ZFC3H1: variants seen among roughly 807,000 people sequenced by gnomAD.
ZFC3H1 encodes zinc finger C3H1-type containing.
In ZFC3H1, 71 loss-of-function variants were observed where a neutral mutation model predicts 243.7. That is an observed-to-expected ratio of 0.29 (90% confidence interval 0.24 to 0.36). The LOEUF (loss-of-function observed/expected upper bound fraction) is 0.36, where lower values mean the gene tolerates loss of function less well. Among genes scored for constraint, ZFC3H1 ranks in the 10% least tolerant of loss-of-function variants. The probability of loss-of-function intolerance (pLI) is 1.00; values close to 1 mark genes in which losing one functional copy is unlikely to be tolerated. For missense variants in ZFC3H1, 1,966 were observed against 2,317.1 expected (o/e 0.85, Z 3.11); for synonymous variants, 838 against 813.0 (o/e 1.03, Z -0.52).
Position 71,627,822 on chromosome 12 carries a change from A to G in ZFC3H1, c.4059T>C (p.Ser1353=), listed in dbSNP as rs1880208222. Reference sequence around the variant, plus strand: ...GTACATGAGAAGGATTTTCAAGCACACTTGCTTCTAAATTAGCGATGTCAT... The same window carrying G: ...GTACATGAGAAGGATTTTCAAGCACGCTTGCTTCTAAATTAGCGATGTCAT... The part of the protein sequence containing the change: ...ETDDIANLEA[S]VLENPSHVQL... The change falls in exon 21 of 35, where the codon AGT becomes AGC. Residue 1353 remains serine (S), a synonymous_variant. Transcript: ENST00000378743. 3 of 1,613,930 alleles carry G rather than the reference A, an allele frequency of 1.9e-6. No individual in the cohort carries two copies. The highest frequency in any genetic ancestry group is 2.5e-6 in the Non-Finnish European group (3 of 1,179,908).
chr12:71,658,639 G>A (rs1209746129), intron 1 of ZFC3H1, among the ~76,000 whole-genome samples: 6 of 151,912 alleles, frequency 3.9e-5, no homozygotes, highest in South Asian at 4.2e-4. Flanking sequence ...CCCCAAATAC[G>A]GTTCTTCTGT....
chr12:71,649,279 T>G (rs374216579), intron 2 of ZFC3H1, among the ~76,000 whole-genome samples: 1 of 152,296 alleles, frequency 6.6e-6, no homozygotes, highest in Admixed American at 6.5e-5. Context: ...CCAAGTTCAT[T>G]GCGTGTGTTA....
At chr12:71,626,156 A>T in intron 22 of ZFC3H1, 104 bp downstream of exon 22, 1 of 1,200,464 alleles carries the variant, frequency 8.3e-7, no homozygotes, top group Non-Finnish European at 1.1e-6. Flanking sequence ...ATTCAGATAA[A>T]GCATATGCTC....
chr12:71,614,619 A>C lies in ZFC3H1; in HGVS notation c.5442T>G (p.Asn1814Lys), dbSNP rs777390668. The C allele has an allele frequency of 6.2e-7, 1 of 1,613,630 alleles. No individual in the cohort carries two copies. Among genetic ancestry groups the C allele is most frequent in the Admixed American group, 1.7e-5 (1 of 59,982 alleles). Reference protein sequence around the residue: ...QEFKFFTDLVNRCLVTVPARY... With the variant: ...QEFKFFTDLVKRCLVTVPARY... ...GGGCAGGGACTGTAACCAAACATCTATTCACTAAATCAGTAAAAAATTTGA... is the reference window on the plus strand; with the variant it reads ...GGGCAGGGACTGTAACCAAACATCTCTTCACTAAATCAGTAAAAAATTTGA... Residue 1814 changes from asparagine to lysine, a missense_variant, in exon 30 of 35, where the codon AAT becomes AAG. Asn to Lys is a moderately conservative substitution (Grantham distance 94, BLOSUM62 0). Transcript: ENST00000378743.
chr12:71,662,847 T>C (rs2137571059), intron 1 of ZFC3H1, 166 bp downstream of exon 1: 1 of 744,466 alleles, frequency 1.3e-6, no homozygotes, highest in South Asian at 1.8e-5. Context: ...AATAACGCTA[T>C]AGTGTGACAC....
intron 1 of ZFC3H1, among the ~76,000 whole-genome samples, chr12:71,662,497 T>TCCCCCCC (rs150388437): frequency 2.3e-4 from 24 of 103,508 alleles, no homozygotes; most frequent in East Asian, 8.4e-4. Flanking sequence ...TTTTTACCCC[T>TCCCCCCC]CCCCCCCCCA....
intron 1 of ZFC3H1, among the ~76,000 whole-genome samples, chr12:71,659,487 C>T (rs1881108587): frequency 6.6e-6 from 1 of 152,058 alleles, no homozygotes; most frequent in South Asian, 2.1e-4. Context: ...CTCTCCCTTC[C>T]CCTCTTACAC....
rs767185463 is a variant in ZFC3H1 at position 71,626,296 on chromosome 12, A to G, written c.4281T>C (p.Ala1427=). The G allele has an allele frequency of 4.3e-6, 7 of 1,614,020 alleles. No homozygotes were observed. In the South Asian group the frequency reaches 6.6e-5, roughly 15 times the overall value. The change falls in exon 22 of 35, where the codon GCT becomes GCC. Residue 1427 remains alanine (A), a synonymous_variant. Coordinates refer to ENST00000378743, the MANE Select transcript of ZFC3H1 (RefSeq NM_144982.5). ...KDEVQEMCET[A]VEYAPDYQSF... is the part of the protein sequence containing the mutation. ...TTTGATAATCTGGAGCATATTCAACAGCTGTTTCACACATTTCCTGCACCT... is the reference window on the plus strand; with the variant it reads ...TTTGATAATCTGGAGCATATTCAACGGCTGTTTCACACATTTCCTGCACCT...
chr12:71,658,184 C>CA (rs1436741341), intron 1 of ZFC3H1, among the ~76,000 whole-genome samples: 1 of 150,942 alleles, frequency 6.6e-6, no homozygotes, highest in East Asian at 1.9e-4. Flanking sequence ...TTATTCTAAA[C>CA]AATTCATACA....
intron 6 of ZFC3H1, 86 bp from the exon 7 acceptor site, chr12:71,638,601 C>G: frequency 8.9e-7 from 1 of 1,127,500 alleles, no homozygotes; most frequent in African/African-American, 1.6e-5. Context: ...TGAAGAAATA[C>G]ATCTAGGTGG....
At chr12:71,657,341 CCA>C (rs778023679) in intron 1 of ZFC3H1, 40 bp from the exon 2 acceptor site, 110 of 1,389,908 alleles carry the variant, frequency 7.9e-5, no homozygotes, top group Non-Finnish European at 8.7e-5. Flanking sequence ...CAAAAATTTT[CCA>C]CAGTTAAATT....
At chr12:71,653,671 T>C (rs751017780) in intron 2 of ZFC3H1, among the ~76,000 whole-genome samples, 3 of 152,178 alleles carry the variant, frequency 2.0e-5, no homozygotes, top group Non-Finnish European at 2.9e-5. Context: ...TTAAGACTGA[T>C]AGATGAGTTT....
intron 30 of ZFC3H1, 68 bp from the exon 31 acceptor site, chr12:71,613,503 T>G (rs1208376460): frequency 8.7e-7 from 1 of 1,151,610 alleles, no homozygotes; most frequent in Non-Finnish European, 1.2e-6. Flanking sequence ...CTATGTGTTT[T>G]AACACGAAAA....
At chr12:71,643,421 A>C (rs1043263041) in intron 5 of ZFC3H1, among the ~76,000 whole-genome samples, 5 of 152,130 alleles carry the variant, frequency 3.3e-5, no homozygotes, top group African/African-American at 1.2e-4. Context: ...TCAAAAAAAA[A>C]AAAAATTTCA....
In ZFC3H1 at chr12:71,628,922, CTTA is replaced by C. The variant is rs781089700; in HGVS notation, c.3939_3941del (p.Ile1313_Lys1314delinsMet). 40 of 1,588,346 alleles carry C rather than the reference CTTA, an allele frequency of 2.5e-5. No individual in the cohort carries two copies. Among genetic ancestry groups the C allele is most frequent in the Non-Finnish European group, 3.0e-5 (35 of 1,171,676 alleles). Reference sequence around the variant, plus strand: ...TTAAATTACATAACTTCTTACCATACTTAATTGGTCCTGTAGACTGTTCCTCAT... The same window carrying C: ...TTAAATTACATAACTTCTTACCATACATTGGTCCTGTAGACTGTTCCTCAT... On this transcript the variant is annotated inframe_deletion, in exon 20 of 35. Transcript: ENST00000378743.
At chr12:71,647,683 G>A in intron 3 of ZFC3H1, 66 bp downstream of exon 3, 2 of 857,164 alleles carry the variant, frequency 2.3e-6, no homozygotes, top group Non-Finnish European at 3.6e-6. Context: ...CCTTACAAAA[G>A]AACAAAATAA....
chr12:71,648,134 CACTT>C (rs1880773599), intron 2 of ZFC3H1, among the ~76,000 whole-genome samples: 1 of 152,164 alleles, frequency 6.6e-6, no homozygotes, highest in Non-Finnish European at 1.5e-5. Flanking sequence ...CAAGCAGCAA[CACTT>C]AATTACCAAG....
chr12:71,616,929 G>C (rs1879907363), intron 27 of ZFC3H1, among the ~76,000 whole-genome samples: 2 of 152,100 alleles, frequency 1.3e-5, no homozygotes, highest in African/African-American at 4.8e-5. Context: ...ATAATCCCTA[G>C]TTTAACTTTA....
intron 6 of ZFC3H1, chr12:71,639,420 A>G: frequency 4.0e-6 from 1 of 248,504 alleles, no homozygotes; most frequent in Non-Finnish European, 8.0e-6. Context: ...CAGAGAGAAG[A>G]GAGGCTATGT....
Sources: allele counts gnomAD v4.1 joint callset (sites outside exome capture counted in the v4.1 genomes callset), GRCh38; gene constraint gnomAD v4.1.1; transcripts MANE v1.5; gene names NCBI Gene and HGNC (gene_info 2026-07-23, HGNC 2026-07-21).